DNAI1: variants seen among roughly 807,000 people sequenced by gnomAD.
DNAI1 encodes dynein, axonemal, intermediate polypeptide 1.
Under a neutral mutation model 92.0 loss-of-function variants are expected in DNAI1, and 67 were observed. The observed-to-expected ratio is 0.73, with a 90% CI of 0.60 to 0.89. The LOEUF is 0.89. Ranked by LOEUF, DNAI1 falls within the 40% of genes least tolerant of loss-of-function variation. The pLI is 0.00. For missense variants in DNAI1, 839 were observed against 866.6 expected (o/e 0.97, Z 0.40); for synonymous variants, 323 against 319.6 (o/e 1.01, Z -0.11).
rs1196979432 is a variant in DNAI1, at chr9:34,485,222, GC to G, written c.163del (p.Leu55TrpfsTer3). The G allele has an allele frequency of 1.9e-6, 3 of 1,614,196 alleles. No homozygotes were observed. Among genetic ancestry groups the G allele is most frequent in the Non-Finnish European group, 2.5e-6 (3 of 1,180,030 alleles). ...AAGCCACAGTTAGACCCCCTGACCA[GC>G]TGGAGTTGACCGATGCGGTGAGTGA... ...SKATVRPPDQ[L>X]ELTDAELKEE... On this transcript the variant is annotated frameshift_variant, in exon 3 of 20. Coordinates refer to ENST00000242317, the MANE Select transcript of DNAI1 (RefSeq NM_012144.4). LOFTEE classifies it high-confidence loss of function.
chr9:34,481,157 C>A (rs968908004), intron 1 of DNAI1, among the ~76,000 whole-genome samples: 2 of 151,602 alleles, frequency 1.3e-5, no homozygotes, highest in Non-Finnish European at 2.9e-5. Context: ...GCAGGAGAAT[C>A]GCTTGAAACC....
At chr9:34,505,773 C>A (rs1824914001) in intron 12 of DNAI1, among the ~76,000 whole-genome samples, 2 of 152,202 alleles carry the variant, frequency 1.3e-5, no homozygotes, top group African/African-American at 4.8e-5. Flanking sequence ...CCTACATGCC[C>A]TCTGCTTTAG....
Position 34,485,532 on chromosome 9 carries a change from C to T in DNAI1, c.261+15C>T. ...ACAGCTTCAAAGTAAGTCATCCCCT[C>T]CTGGGCAGGGGCATCTATACCCATC... On this transcript the variant is annotated intron_variant, in intron 4 of 19. Transcript: ENST00000242317. 1.2e-6 allele frequency: 2 copies of T among 1,612,934 alleles called. No individual in the cohort carries two copies. The highest frequency in any genetic ancestry group is 1.7e-6 in the Non-Finnish European group (2 of 1,179,080).
At chr9:34,518,868 G>C (rs1472912136) in intron 19 of DNAI1, among the ~76,000 whole-genome samples, 3 of 124,350 alleles carry the variant, frequency 2.4e-5, no homozygotes, top group Non-Finnish European at 1.7e-5. Flanking sequence ...AGCCTGCCCT[G>C]CCCACTCTGA....
At chr9:34,512,071 T>C (rs777168356) in intron 13 of DNAI1, 38 bp from the exon 14 acceptor site, 89 of 1,602,680 alleles carry the variant, frequency 5.6e-5, no homozygotes, top group Non-Finnish European at 6.9e-5. Flanking sequence ...CTCAACACTT[T>C]AGCAGGGTCC....
intron 1 of DNAI1, among the ~76,000 whole-genome samples, chr9:34,461,043 G>A (rs1214621137): frequency 6.6e-6 from 1 of 152,076 alleles, no homozygotes; most frequent in Non-Finnish European, 1.5e-5. Context: ...GGGTTTCACT[G>A]TGTTAGCCAC....
chr9:34,465,531 C>G (rs1436875033), intron 1 of DNAI1, among the ~76,000 whole-genome samples: 1 of 152,174 alleles, frequency 6.6e-6, no homozygotes, highest in Non-Finnish European at 1.5e-5. Context: ...TATAGTCATG[C>G]TATTTTCAGA....
chr9:34,504,475 T>C (rs1292641945), intron 12 of DNAI1, among the ~76,000 whole-genome samples: 1 of 152,200 alleles, frequency 6.6e-6, no homozygotes, highest in Non-Finnish European at 1.5e-5. Context: ...TCAGGTCTCT[T>C]TGTAAATACA....
intron 13 of DNAI1, among the ~76,000 whole-genome samples, chr9:34,508,925 C>G (rs759278677): frequency 2.6e-5 from 4 of 152,138 alleles, no homozygotes; most frequent in Non-Finnish European, 4.4e-5. Flanking sequence ...TGGTCAGGAC[C>G]CACCTGTCTC....
intron 13 of DNAI1, among the ~76,000 whole-genome samples, chr9:34,507,289 A>G (rs925849447): frequency 4.6e-5 from 7 of 152,316 alleles, no homozygotes; most frequent in Non-Finnish European, 8.8e-5. Context: ...CCTCAAAAAC[A>G]TAACTACTAA....
At chr9:34,494,061 T>C (rs1824667628) in intron 9 of DNAI1, among the ~76,000 whole-genome samples, 1 of 151,928 alleles carries the variant, frequency 6.6e-6, no homozygotes, top group East Asian at 1.9e-4. Context: ...GGAACCAGAG[T>C]CCCATTGTGG....
At chr9:34,511,274 C>T (rs1402440104) in intron 13 of DNAI1, among the ~76,000 whole-genome samples, 1 of 152,236 alleles carries the variant, frequency 6.6e-6, no homozygotes, top group African/African-American at 2.4e-5. Context: ...CATAAGACAA[C>T]AGCTCTGTCT....
intron 12 of DNAI1, among the ~76,000 whole-genome samples, chr9:34,503,644 G>A (rs1311910668): frequency 3.3e-5 from 5 of 152,180 alleles, no homozygotes; most frequent in Non-Finnish European, 7.4e-5. Context: ...TTCTGGGACA[G>A]GCCAGGTTGG....
chr9:34,503,488 G>A (rs1824871447), intron 12 of DNAI1, among the ~76,000 whole-genome samples: 1 of 152,236 alleles, frequency 6.6e-6, no homozygotes, highest in Admixed American at 6.5e-5. Context: ...TGGGTTTGTA[G>A]TTGGATTTGA....
intron 13 of DNAI1, among the ~76,000 whole-genome samples, chr9:34,510,728 T>C (rs544851880): frequency 6.6e-6 from 1 of 152,202 alleles, no homozygotes; most frequent in African/African-American, 2.4e-5. Flanking sequence ...CATTAAACAC[T>C]TCCCTTTGCA....
chr9:34,492,501 T>G (rs1309805566), intron 8 of DNAI1, among the ~76,000 whole-genome samples: 527 of 41,220 alleles, frequency 0.013, 39 homozygotes, highest in African/African-American at 0.039. Flanking sequence ...AAGATATATA[T>G]ATATATATAT....
chr9:34,497,880 G>A (rs1824757473), intron 10 of DNAI1, among the ~76,000 whole-genome samples: 5 of 152,176 alleles, frequency 3.3e-5, no homozygotes, highest in Admixed American at 3.3e-4. Context: ...GGGACAGCAG[G>A]CTCCCTGACC....
At chr9:34,514,245 G>T in intron 16 of DNAI1, 149 bp from the exon 17 acceptor site, 2 of 1,038,694 alleles carry the variant, frequency 1.9e-6, no homozygotes. Flanking sequence ...CTGAGGGTGG[G>T]AAGGGCAGCC....
intron 1 of DNAI1, among the ~76,000 whole-genome samples, chr9:34,477,937 T>C (rs991436843): frequency 7.0e-6 from 1 of 142,296 alleles, no homozygotes; most frequent in African/African-American, 2.5e-5. Context: ...TTTTTTTTTT[T>C]TTTTTTTTTT....
Sources: gnomAD v4.1 joint callset for allele counts (sites outside exome capture counted in the v4.1 genomes callset) on GRCh38, gnomAD v4.1.1 for gene constraint, MANE v1.5 for transcripts, NCBI Gene and HGNC (gene_info 2026-07-23, HGNC 2026-07-21) for gene names.